Variants in TSHZ2 observed in about 807,000 individuals in gnomAD.
The protein encoded by TSHZ2 is teashirt homolog 2.
In TSHZ2, 21 loss-of-function variants were observed where a neutral mutation model predicts 74.4. That is an observed-to-expected ratio of 0.28 (90% CI 0.20 to 0.41). The LOEUF is 0.41. Among genes scored for constraint, TSHZ2 ranks in the 10% least tolerant of loss-of-function variants. TSHZ2 has a pLI of 1.00. For missense variants in TSHZ2, 1,244 were observed against 1,293.5 expected (o/e 0.96, Z 0.59); for synonymous variants, 540 against 515.3 (o/e 1.05, Z -0.65).
intron 1 of TSHZ2, among the ~76,000 whole-genome samples, chr20:53,125,750 A>T (rs1936970): frequency 1.3e-5 from 2 of 151,934 alleles, no homozygotes; most frequent in Non-Finnish European, 2.9e-5. Context: ...TAAAAAAAAA[A>T]AATTGTGATG....
chr20:53,233,969 C>T (rs529309715), intron 1 of TSHZ2, among the ~76,000 whole-genome samples: 1 of 152,294 alleles, frequency 6.6e-6, no homozygotes, highest in Admixed American at 6.5e-5. Flanking sequence ...TATTCAATAG[C>T]CCTGATGTGT....
chr20:53,413,166 T>C (rs984354681), intron 2 of TSHZ2, among the ~76,000 whole-genome samples: 9 of 152,164 alleles, frequency 5.9e-5, no homozygotes, highest in Admixed American at 5.2e-4. Context: ...GGAGCAGATG[T>C]AGAACATAGT....
chr20:53,382,718 A>G lies in TSHZ2; in HGVS notation c.*9-104426A>G, dbSNP rs141885831. 4.2e-3 allele frequency among the ~76,000 whole-genome samples: 638 copies of G among 152,350 alleles called. 4 individuals are homozygous for G. Among genetic ancestry groups the G allele is most frequent in the Middle Eastern group, 0.024 (7 of 294 alleles). On this transcript the variant is annotated intron_variant, in intron 2 of 2. Coordinates refer to ENST00000371497, the MANE Select transcript of TSHZ2 (RefSeq NM_173485.6). ...CTCAGCACTGCAGGAGACCAGGATC[A>G]TATAGTTCTGAAGATGAATTAATAG...
At chr20:53,369,321 C>A (rs942083760) in intron 2 of TSHZ2, among the ~76,000 whole-genome samples, 1 of 152,110 alleles carries the variant, frequency 6.6e-6, no homozygotes, top group African/African-American at 2.4e-5. Context: ...AAGGAGGTGA[C>A]AATTTAGCAG....
Position 53,254,531 on chromosome 20 carries a change from A to G in TSHZ2, c.1073A>G (p.Asn358Ser). The G allele has an allele frequency of 6.2e-7, 1 of 1,613,938 alleles. No individual in the cohort carries two copies. The highest frequency in any genetic ancestry group is 1.1e-5 in the South Asian group (1 of 91,076). Residue 358 changes from asparagine (N) to serine (S), a missense_variant, in exon 2 of 3, where the codon AAC (asparagine) becomes AGC (serine). Asn to Ser is a conservative substitution (Grantham distance 46). Around this residue, in one of 6 missense-constraint regions of TSHZ2, gnomAD observed 470 missense variants for 456.5 expected, o/e 1.03. Coordinates refer to ENST00000371497, the MANE Select transcript of TSHZ2 (RefSeq NM_173485.6). ...KNANLQLSSN[N>S]RYGYQNGASY... ...GCCAACTTGCAGTTGTCCTCCAACA[A>G]CCGCTATGGCTACCAAAATGGAGCC...
At chr20:53,172,839 A>G (rs1988233337) in intron 1 of TSHZ2, among the ~76,000 whole-genome samples, 1 of 152,212 alleles carries the variant, frequency 6.6e-6, no homozygotes, top group South Asian at 2.1e-4. Flanking sequence ...GCTAAGAAAC[A>G]CTAGCAAACT....
At position 53,074,371 on chromosome 20, in the gene TSHZ2, T is replaced by C. The variant is rs1985302364; in HGVS notation, c.40+101038T>C. Among the ~76,000 whole-genome samples the C allele has an allele frequency of 6.6e-6, 1 of 152,250 alleles. No individual in the cohort carries two copies. Among genetic ancestry groups the C allele is most frequent in the African/African-American group, 2.4e-5 (1 of 41,462 alleles). ...TCCAGAGGGCTAGGACCAGGATTCA[T>C]GGGTCTTTGTGTTCTTACAGTGCCT... On this transcript the variant is annotated intron_variant, in intron 1 of 2. Transcript: ENST00000371497. This position sits in a 1 kb window ranked among gnomAD's most constrained non-coding sequence, Gnocchi z 5.9.
chr20:53,316,397 AGTAG>A (rs371369103), intron 2 of TSHZ2, among the ~76,000 whole-genome samples: 82 of 152,206 alleles, frequency 5.4e-4, no homozygotes, highest in African/African-American at 1.9e-3. Flanking sequence ...CCCTCAGCGT[AGTAG>A]GGGGTTGGTG....
At chr20:53,022,252 G>A (rs758873853) in intron 1 of TSHZ2, among the ~76,000 whole-genome samples, 5 of 152,170 alleles carry the variant, frequency 3.3e-5, no homozygotes, top group Admixed American at 6.6e-5. Flanking sequence ...AATTTATCGT[G>A]GAGTCCCTTA....
chr20:53,389,796 A>G (rs1170561051), intron 2 of TSHZ2, among the ~76,000 whole-genome samples: 1 of 152,212 alleles, frequency 6.6e-6, no homozygotes, highest in Non-Finnish European at 1.5e-5. Context: ...ACTGGCATCT[A>G]GTGAGTAGAG....
At chr20:53,394,859 CAAAAA>C (rs1005992034) in intron 2 of TSHZ2, among the ~76,000 whole-genome samples, 477 of 44,096 alleles carry the variant, frequency 0.011, 3 homozygotes, top group African/African-American at 0.035. Flanking sequence ...CAGAACTCAC[CAAAAA>C]AAAAAAAAAA....
chr20:53,255,302 G>T lies in TSHZ2; in HGVS notation c.1844G>T (p.Gly615Val). 1 of 1,614,146 alleles carries T rather than the reference G, an allele frequency of 6.2e-7. No homozygotes were observed. ...EDKDEAVKEC[G>V]KESPHEEASS... ...AAAGATGAAGCGGTGAAGGAGTGTG[G>T]GAAAGAAAGTCCCCACGAAGAGGCC... The change falls in exon 2 of 3, where the codon GGG becomes GTG. Residue 615 changes from glycine to valine, a missense_variant. Gly to Val is a moderately radical substitution (Grantham distance 109). Around this residue, in one of 6 missense-constraint regions of TSHZ2, gnomAD observed 562 missense variants for 544.0 expected, o/e 1.03. Transcript: ENST00000371497. This position sits in a 1 kb window ranked among gnomAD's most constrained non-coding sequence, Gnocchi z 4.1.
At chr20:53,274,374 C>T (rs778621389) in intron 2 of TSHZ2, among the ~76,000 whole-genome samples, 19 of 152,192 alleles carry the variant, frequency 1.2e-4, no homozygotes, top group Non-Finnish European at 4.4e-5. Context: ...TTTTTCAATC[C>T]TAATTTCATT....
chr20:53,016,403 C>T (rs2256452), intron 1 of TSHZ2, among the ~76,000 whole-genome samples: 81,634 of 151,996 alleles, frequency 0.54, 22,779 homozygotes, highest in East Asian at 0.75. Flanking sequence ...AATCAGCCTT[C>T]AATTGGTGAG....
intron 1 of TSHZ2, among the ~76,000 whole-genome samples, chr20:52,992,920 T>C (rs1388330714): frequency 6.6e-6 from 1 of 152,254 alleles, no homozygotes; most frequent in East Asian, 1.9e-4. Context: ...AAATAACTTC[T>C]GTATTATCAT....
intron 2 of TSHZ2, among the ~76,000 whole-genome samples, chr20:53,336,818 A>G (rs1416100597): frequency 6.6e-6 from 1 of 152,204 alleles, no homozygotes; most frequent in African/African-American, 2.4e-5. Flanking sequence ...TATTATATAT[A>G]TGAATAGATG....
chr20:52,980,319 G>T (rs904146921), intron 1 of TSHZ2, among the ~76,000 whole-genome samples: 1 of 151,936 alleles, frequency 6.6e-6, no homozygotes, highest in African/African-American at 2.4e-5. Context: ...TAGCTCTTTT[G>T]CATCTCTCTC....
intron 1 of TSHZ2, among the ~76,000 whole-genome samples, chr20:53,014,951 A>G (rs183532434): frequency 6.6e-6 from 1 of 152,256 alleles, no homozygotes; most frequent in East Asian, 1.9e-4. Context: ...CTGCATTTAA[A>G]GCCTAATTCT....
At chr20:53,096,335 G>T (rs986119040) in intron 1 of TSHZ2, among the ~76,000 whole-genome samples, 17 of 152,162 alleles carry the variant, frequency 1.1e-4, no homozygotes, top group Admixed American at 2.0e-4. Flanking sequence ...TAGAGACGGG[G>T]TTTCACCATG....
Sources: allele counts gnomAD v4.1 joint callset (sites outside exome capture counted in the v4.1 genomes callset), GRCh38; gene constraint gnomAD v4.1.1; regional missense constraint gnomAD v4.1.1; non-coding constraint Gnocchi (gnomAD v3.1); transcripts MANE v1.5; gene names NCBI Gene and HGNC (gene_info 2026-07-23, HGNC 2026-07-21).